Variants in DIP2B observed in about 807,000 individuals in gnomAD.
The protein encoded by DIP2B is disco-interacting protein 2 homolog B.
DIP2B carries 76 observed loss-of-function variants against 198.0 expected under a neutral mutation model. The ratio of observed to expected loss-of-function variants is 0.38; its 90% confidence interval spans 0.32 to 0.46. The LOEUF (loss-of-function observed/expected upper bound fraction) is 0.46, where lower values mean the gene tolerates loss of function less well. DIP2B is among the 20% of genes least tolerant of loss of function. The pLI is 0.99. For synonymous variants in DIP2B, 701 were observed against 739.1 expected, an observed-to-expected ratio of 0.95 and a Z score of 0.84; for missense variants, 1,559 against 1,978.4, an observed-to-expected ratio of 0.79 and a Z score of 4.02.
intron 3 of DIP2B, among the ~76,000 whole-genome samples, chr12:50,649,438 A>T (rs1226756747): frequency 6.6e-6 from 1 of 152,256 alleles, no homozygotes; most frequent in Non-Finnish European, 1.5e-5. Context: ...ACAGGCGTAT[A>T]TCTGGGAATT....
At chr12:50,647,164 C>T (rs1442184491) in intron 3 of DIP2B, among the ~76,000 whole-genome samples, 1 of 152,124 alleles carries the variant, frequency 6.6e-6, no homozygotes, top group Admixed American at 6.6e-5. Flanking sequence ...ACGATCCTCC[C>T]TCCTTAGCTC....
At chr12:50,534,815 C>T (rs184836445) in intron 1 of DIP2B, among the ~76,000 whole-genome samples, 39 of 152,280 alleles carry the variant, frequency 2.6e-4, no homozygotes, top group South Asian at 1.2e-3. Flanking sequence ...CCTCTCCTAT[C>T]CTTTGGGAGA....
At chr12:50,648,647 G>A (rs1938393705) in intron 3 of DIP2B, among the ~76,000 whole-genome samples, 3 of 144,114 alleles carry the variant, frequency 2.1e-5, no homozygotes, top group South Asian at 2.2e-4. Flanking sequence ...ACAGGCGTGA[G>A]CCACCACGCC....
At chr12:50,521,489 C>CTTTTT (rs35971707) in intron 1 of DIP2B, among the ~76,000 whole-genome samples, 180 of 98,224 alleles carry the variant, frequency 1.8e-3, no homozygotes, top group African/African-American at 2.4e-3. Flanking sequence ...AGGTTTCTTT[C>CTTTTT]TTTTTTTTTT....
chr12:50,521,430 G>C (rs1473167092), intron 1 of DIP2B, among the ~76,000 whole-genome samples: 2 of 149,686 alleles, frequency 1.3e-5, no homozygotes, highest in Admixed American at 6.6e-5. Context: ...CTCTTAATTT[G>C]CCACTGTTTG....
chr12:50,628,610 G>A (rs756799329), intron 2 of DIP2B, among the ~76,000 whole-genome samples: 6 of 151,926 alleles, frequency 3.9e-5, no homozygotes, highest in African/African-American at 1.2e-4. Context: ...AGCCATATTC[G>A]TCCCTCAGCA....
At chr12:50,571,543 T>C (rs1958613712) in intron 1 of DIP2B, among the ~76,000 whole-genome samples, 4 of 136,402 alleles carry the variant, frequency 2.9e-5, no homozygotes, top group Admixed American at 1.6e-4. Context: ...CTTTGAAACC[T>C]AGGCGTTTTT....
chr12:50,678,594 A>C lies in DIP2B; in HGVS notation c.917-85A>C, dbSNP rs960360796. The C allele has an allele frequency of 1.5e-5, 21 of 1,379,960 alleles. No homozygotes were observed. In the African/African-American group the frequency reaches 2.7e-4, roughly 18 times the overall value. 85.5% of individuals were successfully genotyped at this position (1,379,960 alleles called of 1,614,324 possible). A position where few individuals can be genotyped will look rare whatever the true frequency, so the allele number is the denominator to read the frequency against. ...TAAACCAGGTAAATATGAAGTGAAA[A>C]GGAAGATGCAGTTGAGATTAGAGAC... On this transcript the variant is annotated intron_variant, in intron 7 of 37. Coordinates refer to ENST00000301180, the MANE Select transcript of DIP2B (RefSeq NM_173602.3).
At chr12:50,604,032 T>G (rs1958960853) in intron 1 of DIP2B, among the ~76,000 whole-genome samples, 1 of 152,036 alleles carries the variant, frequency 6.6e-6, no homozygotes, top group African/African-American at 2.4e-5. Flanking sequence ...ATTCCTTTCT[T>G]GCATTGTTTT....
chr12:50,681,872 A>G (rs1939046954), intron 9 of DIP2B, among the ~76,000 whole-genome samples: 2 of 152,204 alleles, frequency 1.3e-5, no homozygotes, highest in African/African-American at 4.8e-5. Flanking sequence ...AGCAAGATGG[A>G]CACTGTGCAG....
chr12:50,606,655 A>AT (rs1389996807), intron 1 of DIP2B, among the ~76,000 whole-genome samples: 3 of 151,840 alleles, frequency 2.0e-5, no homozygotes, highest in Non-Finnish European at 4.4e-5. Flanking sequence ...TTGATTTGTA[A>AT]TTTTTTTCTG....
At chr12:50,726,669 T>A (rs1344989213) in intron 28 of DIP2B, among the ~76,000 whole-genome samples, 1 of 131,752 alleles carries the variant, frequency 7.6e-6, no homozygotes, top group Admixed American at 7.4e-5. Flanking sequence ...TCTTTCTTTC[T>A]TTTTTTTTTT....
At chr12:50,612,755 T>C (rs1238744612) in intron 1 of DIP2B, among the ~76,000 whole-genome samples, 1 of 152,196 alleles carries the variant, frequency 6.6e-6, no homozygotes, top group African/African-American at 2.4e-5. Context: ...TGAAAAGTTA[T>C]AGAAATTAGG....
intron 1 of DIP2B, among the ~76,000 whole-genome samples, chr12:50,511,295 T>TTTTTTTTTTA (rs1958014335): frequency 8.9e-6 from 1 of 112,108 alleles, no homozygotes; most frequent in African/African-American, 3.5e-5. Flanking sequence ...ATTTCTATTT[T>TTTTTTTTTTA]TTTTTTTTTT....
chr12:50,663,504 C>T (rs1010086498), intron 4 of DIP2B, among the ~76,000 whole-genome samples: 23 of 151,798 alleles, frequency 1.5e-4, no homozygotes, highest in Middle Eastern at 3.2e-3. Context: ...TGCAGTGAGC[C>T]GAGACCGCGC....
At chr12:50,692,489 C>T (rs375326656) in intron 13 of DIP2B, among the ~76,000 whole-genome samples, 1 of 152,140 alleles carries the variant, frequency 6.6e-6, no homozygotes, top group Non-Finnish European at 1.5e-5. Flanking sequence ...CAGTCCTCTA[C>T]CCGTTTTGAG....
intron 1 of DIP2B, among the ~76,000 whole-genome samples, chr12:50,534,019 T>G (rs1958241779): frequency 1.3e-5 from 2 of 152,220 alleles, no homozygotes; most frequent in South Asian, 4.1e-4. Flanking sequence ...ATAATTAGAA[T>G]TCATCAATAC....
intron 1 of DIP2B, among the ~76,000 whole-genome samples, chr12:50,590,635 T>A (rs760910921): frequency 6.6e-6 from 1 of 152,182 alleles, no homozygotes; most frequent in Non-Finnish European, 1.5e-5. Context: ...CTCAAAGTGC[T>A]GGGAATTACA....
At chr12:50,626,737 T>C (rs1413928481) in intron 2 of DIP2B, among the ~76,000 whole-genome samples, 1 of 151,790 alleles carries the variant, frequency 6.6e-6, no homozygotes, top group African/African-American at 2.4e-5. Flanking sequence ...TCAACCAAAG[T>C]GTGTTTCTGC....
Sources: allele counts gnomAD v4.1 joint callset (sites outside exome capture counted in the v4.1 genomes callset), GRCh38; gene constraint gnomAD v4.1.1; transcripts MANE v1.5; gene names NCBI Gene and HGNC (gene_info 2026-07-23, HGNC 2026-07-21).